The following MCF2L2 variants were observed in gnomAD, a reference collection of about 807,000 sequenced individuals.
MCF2L2 encodes the protein MCF.2 cell line derived transforming sequence-like 2, also known as probable guanine nucleotide exchange factor MCF2L2.
In MCF2L2, 102 loss-of-function variants were observed where a neutral mutation model predicts 150.2. The observed-to-expected ratio is 0.68, with a 90% CI of 0.58 to 0.80. The LOEUF (loss-of-function observed/expected upper bound fraction) is 0.80. Among genes scored for constraint, MCF2L2 ranks in the 30% least tolerant of loss-of-function variants. The probability of loss-of-function intolerance (pLI) is 0.00; values close to 1 mark genes in which losing one functional copy is unlikely to be tolerated. For synonymous variants in MCF2L2, 465 were observed against 491.3 expected (o/e 0.95, Z 0.71); for missense variants, 1,256 against 1,372.8 (o/e 0.91, Z 1.34).
chr3:183,272,339 C>A, intron 15 of MCF2L2: 5 of 1,000,090 alleles, frequency 5.0e-6, no homozygotes, highest in Non-Finnish European at 6.0e-6. Context: ...GCAAGAGTGA[C>A]TGAACTCACT....
intron 10 of MCF2L2, 147 bp downstream of exon 10, chr3:183,309,569 T>C (rs1000930786): frequency 2.8e-5 from 26 of 940,692 alleles, no homozygotes; most frequent in Non-Finnish European, 2.7e-5. Context: ...TTAATGTGCC[T>C]CTCTCCTTGG....
rs1723370718 is a variant in MCF2L2, at chr3:183,227,078, G to A, written c.2115+1219C>T. The A allele has an allele frequency of 6.6e-6, 1 of 152,136 alleles. No individual in the cohort carries two copies. Among genetic ancestry groups the A allele is most frequent in the Non-Finnish European group, 1.5e-5 (1 of 68,028 alleles). The allele number at this position is 152,136 out of a possible 1,614,324, so 9.4% of individuals were successfully genotyped here. ...GCTCTCAGCCTCAGTCATAATATGA[G>A]TTGCTTACAACTTTAAGTTGTTTGA... On this transcript the variant is annotated intron_variant, in intron 18 of 29. Coordinates refer to ENST00000328913, the MANE Select transcript of MCF2L2 (RefSeq NM_015078.4). This position sits in a 1 kb window ranked among gnomAD's most constrained non-coding sequence, Gnocchi z 4.0.
intron 3 of MCF2L2, among the ~76,000 whole-genome samples, chr3:183,370,954 C>T (rs1712837769): frequency 6.6e-6 from 1 of 152,194 alleles, no homozygotes; most frequent in Non-Finnish European, 1.5e-5. Context: ...TGACTGTACA[C>T]TCTGGATTGA....
chr3:183,327,469 C>T (rs1730098171), intron 5 of MCF2L2, among the ~76,000 whole-genome samples: 1 of 152,238 alleles, frequency 6.6e-6, no homozygotes, highest in African/African-American at 2.4e-5. Context: ...GGCACACAGG[C>T]CATTGCAACA....
chr3:183,326,349 G>A (rs1040643605), intron 5 of MCF2L2, among the ~76,000 whole-genome samples: 18 of 151,680 alleles, frequency 1.2e-4, no homozygotes, highest in Admixed American at 6.6e-4. Context: ...AAAATTAGCC[G>A]GGCATGGTGG....
At chr3:183,389,637 A>C (rs1714028815) in intron 2 of MCF2L2, 59 bp downstream of exon 2, 1 of 1,408,054 alleles carries the variant, frequency 7.1e-7, no homozygotes. Context: ...AAGAGGCTGG[A>C]CCTTCCCATC....
chr3:183,412,932 A>T (rs958250285), intron 1 of MCF2L2, among the ~76,000 whole-genome samples: 3 of 152,142 alleles, frequency 2.0e-5, no homozygotes, highest in African/African-American at 7.2e-5. Flanking sequence ...TTTTATCAAG[A>T]TAGGGTGTTG....
chr3:183,290,857 A>C (rs1332106882), intron 13 of MCF2L2, among the ~76,000 whole-genome samples: 3 of 152,112 alleles, frequency 2.0e-5, no homozygotes, highest in Non-Finnish European at 4.4e-5. Context: ...AGGTCCCAAG[A>C]CCAAAATGCC....
At chr3:183,248,582 C>G (rs1467358542) in intron 15 of MCF2L2, among the ~76,000 whole-genome samples, 3 of 152,084 alleles carry the variant, frequency 2.0e-5, no homozygotes, top group African/African-American at 7.2e-5. Flanking sequence ...TACCTGTAAT[C>G]CTAACACTTT....
At chr3:183,286,417 C>A (rs1289715633) in intron 14 of MCF2L2, among the ~76,000 whole-genome samples, 1 of 152,166 alleles carries the variant, frequency 6.6e-6, no homozygotes, top group African/African-American at 2.4e-5. Context: ...ATGCTCAATG[C>A]AACCTGGCCA....
chr3:183,234,687 C>CTTTTTTTTTTT (rs71185647), intron 15 of MCF2L2, among the ~76,000 whole-genome samples: 43 of 84,222 alleles, frequency 5.1e-4, no homozygotes, highest in Middle Eastern at 7.9e-3. Context: ...ATGTATGACT[C>CTTTTTTTTTTT]TTTTTTTTTT....
At position 183,180,117 on chromosome 3, in the gene MCF2L2, T is replaced by C; in HGVS notation, c.3059A>G (p.Asp1020Gly). ...TTCCATGTCTTCTGCGCCTTCACAG[T>C]CTTCAAAGGTGTCCATGGAGCTAAA... ...REFSSMDTFE[D>G]CEGAEDMEKE... Residue 1020 changes from aspartate (D) to glycine (G), a missense_variant, in exon 28 of 30, where the codon GAC becomes GGC. Asp to Gly is a moderately conservative substitution (Grantham distance 94, BLOSUM62 -1). Transcript: ENST00000328913. 3 of 1,613,964 alleles carry C rather than the reference T, an allele frequency of 1.9e-6. No homozygotes were observed. Among genetic ancestry groups the C allele is most frequent in the Non-Finnish European group, 2.5e-6 (3 of 1,179,946 alleles).
intron 14 of MCF2L2, among the ~76,000 whole-genome samples, chr3:183,288,020 G>C (rs763268120): frequency 2.0e-5 from 3 of 152,162 alleles, no homozygotes; most frequent in Non-Finnish European, 2.9e-5. Context: ...CAGGGGAAAG[G>C]GAACCCCTTC....
intron 1 of MCF2L2, among the ~76,000 whole-genome samples, chr3:183,402,143 G>A (rs909067711): frequency 3.9e-5 from 6 of 152,064 alleles, no homozygotes; most frequent in African/African-American, 1.4e-4. Flanking sequence ...TGATTATCAA[G>A]TTTATTTGAA....
At chr3:183,191,216 C>A (rs1242045335) in intron 27 of MCF2L2, among the ~76,000 whole-genome samples, 1 of 152,172 alleles carries the variant, frequency 6.6e-6, no homozygotes, top group African/African-American at 2.4e-5. Flanking sequence ...CACAGAAAAA[C>A]TGAGAGGAAG....
At chr3:183,224,330 A>G in intron 18 of MCF2L2, 140 bp from the exon 19 acceptor site, 1 of 608,406 alleles carries the variant, frequency 1.6e-6, no homozygotes, top group Non-Finnish European at 2.9e-6. Flanking sequence ...AAGTAATCTT[A>G]TGTTGGGATG....
chr3:183,269,775 A>G, intron 15 of MCF2L2: 8 of 1,576,108 alleles, frequency 5.1e-6, no homozygotes, highest in Non-Finnish European at 6.9e-6. Flanking sequence ...AACTGATCCT[A>G]ACTAAAAACA....
At chr3:183,204,620 A>C (rs1722407820) in intron 25 of MCF2L2, among the ~76,000 whole-genome samples, 1 of 152,202 alleles carries the variant, frequency 6.6e-6, no homozygotes. Context: ...GAAAGTTAAC[A>C]AAAGTTACCA....
intron 5 of MCF2L2, among the ~76,000 whole-genome samples, chr3:183,338,044 T>C (rs1433236856): frequency 6.6e-6 from 1 of 152,190 alleles, no homozygotes; most frequent in Non-Finnish European, 1.5e-5. Context: ...CCCTATATTT[T>C]AGATCCGTGT....
Sources: gnomAD v4.1 joint callset for allele counts (sites outside exome capture counted in the v4.1 genomes callset) on GRCh38, gnomAD v4.1.1 for gene constraint, Gnocchi (gnomAD v3.1) non-coding constraint, MANE v1.5 for transcripts, NCBI Gene and HGNC (gene_info 2026-07-23, HGNC 2026-07-21) for gene names.